The following MRI1 variants were observed in gnomAD, a reference collection of about 807,000 sequenced individuals.
The protein encoded by MRI1 is methylthioribose-1-phosphate isomerase 1, also known as methylthioribose-1-phosphate isomerase.
A neutral mutation model predicts 27.3 loss-of-function variants in MRI1; 32 were observed. The ratio of observed to expected loss-of-function variants is 1.17; its 90% CI spans 0.88 to 1.57. The LOEUF is 1.57. MRI1 is among the 40% of genes most tolerant of loss of function. MRI1 has a pLI of 0.00. For synonymous variants in MRI1, 216 were observed against 227.4 expected (o/e 0.95, Z 0.45); for missense variants, 508 against 516.1 (o/e 0.98, Z 0.15).
At chr19:13,769,846 AGAGGCG>A (rs976554762) in intron 5 of MRI1, among the ~76,000 whole-genome samples, 1 of 151,816 alleles carries the variant, frequency 6.6e-6, no homozygotes, top group Non-Finnish European at 1.5e-5. Flanking sequence ...CTTGAACCTG[AGAGGCG>A]GAGGTTGTGG....
intron 3 of MRI1, among the ~76,000 whole-genome samples, chr19:13,767,843 A>C: frequency 8.2e-6 from 1 of 121,390 alleles, no homozygotes; most frequent in Non-Finnish European, 1.7e-5. Flanking sequence ...GATTCTTTTC[A>C]AGTATTTTCT....
intron 2 of MRI1, 130 bp from the exon 3 acceptor site, chr19:13,765,824 G>C: frequency 9.9e-7 from 1 of 1,012,360 alleles, no homozygotes; most frequent in South Asian, 1.8e-5. Flanking sequence ...CTGGCCGAAG[G>C]GTCCAGGCCC....
chr19:13,773,473 T>C lies in MRI1; in HGVS notation c.*1192T>C, dbSNP rs1427639938. 3 of 152,052 alleles carry C rather than the reference T, an allele frequency of 2.0e-5. No homozygotes were observed. The highest frequency in any genetic ancestry group is 7.2e-5 in the African/African-American group (3 of 41,386). 9.4% of individuals were successfully genotyped at this position (152,052 alleles called of 1,614,324 possible). On this transcript the variant is annotated 3_prime_UTR_variant, in exon 6 of 6. Transcript: ENST00000040663. ...AAGAGCTTGTCTCTACAAACAAAAATTTAAAAACAATGAGCTGGGCATGGA... is the reference window on the plus strand; with the variant it reads ...AAGAGCTTGTCTCTACAAACAAAAACTTAAAAACAATGAGCTGGGCATGGA...
chr19:13,769,346 T>C (rs1048203516), intron 5 of MRI1, among the ~76,000 whole-genome samples: 2 of 151,938 alleles, frequency 1.3e-5, no homozygotes, highest in Non-Finnish European at 2.9e-5. Context: ...GTATTTTTAG[T>C]AGAGATGAGG....
At chr19:13,767,507 C>A (rs1433341834) in intron 3 of MRI1, among the ~76,000 whole-genome samples, 1 of 152,010 alleles carries the variant, frequency 6.6e-6, no homozygotes, top group Non-Finnish European at 1.5e-5. Flanking sequence ...CTAGACCAGC[C>A]TTTGCAACAC....
chr19:13,768,884 C>T lies in MRI1; in HGVS notation c.785C>T (p.Thr262Ile), dbSNP rs754785191. The stretch of plus-strand genomic sequence containing the variant: ...GGCGACACAGCCAACAAGGTGGGCA[C>T]CTACCAGCTGGCCATTGTCGCCAAG... ...ANGDTANKVGTYQLAIVAKHH... is the reference protein window; with the variant it reads ...ANGDTANKVGIYQLAIVAKHH... Residue 262 changes from threonine (T) to isoleucine (I), a missense_variant, in exon 5 of 6, where the codon ACC becomes ATC. Coordinates refer to ENST00000040663, the MANE Select transcript of MRI1 (RefSeq NM_001031727.4). 6.2e-7 allele frequency: 1 copy of T among 1,613,918 alleles called. No individual in the cohort carries two copies. The highest frequency in any genetic ancestry group is 8.5e-7 in the Non-Finnish European group (1 of 1,179,894).
rs1170108927 is a variant in MRI1, at chr19:13,767,861, C to CTTTTTTTTTTTTTTTTTTTTTTT, written c.548-697_548-675dup. On this transcript the variant is annotated intron_variant, in intron 3 of 5. Transcript: ENST00000040663. ...TCTTTTCAAGTATTTTCTTTCTTTC[C>CTTTTTTTTTTTTTTTTTTTTTTT]TTTTTTTTTTTTTTTTTTTTTTTTT... Among the ~76,000 whole-genome samples, 8 of 61,084 alleles carry CTTTTTTTTTTTTTTTTTTTTTTT rather than the reference C, an allele frequency of 1.3e-4. 1 individual carries two copies. The highest frequency in any genetic ancestry group is 2.3e-4 in the Admixed American group (1 of 4,320). The allele number at this position is 61,084 out of a possible 152,430, so 40.1% of individuals were successfully genotyped here. A position where few individuals can be genotyped will look rare whatever the true frequency, so the allele number is the denominator to read the frequency against.
Position 13,764,974 on chromosome 19 carries a change from T to TGCGCGC in MRI1, c.241_242insCGCGCG (p.Arg80_Asp81insAlaArg). The TGCGCGC allele has an allele frequency of 1.3e-6, 2 of 1,517,948 alleles. No homozygotes were observed. Among genetic ancestry groups the TGCGCGC allele is most frequent in the Non-Finnish European group, 1.8e-6 (2 of 1,139,182 alleles). The allele number at this position is 1,517,948 out of a possible 1,614,324, so 94.0% of individuals were successfully genotyped here. ...GGACTCGCCGCGCTCGTGGCCTTCG[T>TGCGCGC]GCGCGACAAGCTGAGCTTCCTCGTC... On this transcript the variant is annotated inframe_insertion, in exon 2 of 6. Coordinates refer to ENST00000040663, the MANE Select transcript of MRI1 (RefSeq NM_001031727.4).
intron 5 of MRI1, among the ~76,000 whole-genome samples, chr19:13,771,513 A>G (rs1288506386): frequency 6.6e-6 from 1 of 152,138 alleles, no homozygotes; most frequent in Non-Finnish European, 1.5e-5. Context: ...CCTGGGTGAC[A>G]CAACGAGACT....
chr19:13,768,900 T>C lies in MRI1; in HGVS notation c.801T>C (p.Ile267=), dbSNP rs1392635716. 4 of 1,614,014 alleles carry C rather than the reference T, an allele frequency of 2.5e-6. No individual in the cohort carries two copies. The highest frequency in any genetic ancestry group is 2.5e-6 in the Non-Finnish European group (3 of 1,179,952). ...AGGTGGGCACCTACCAGCTGGCCATTGTCGCCAAGCACCATGGCATTCCCT... is the reference window on the plus strand; with the variant it reads ...AGGTGGGCACCTACCAGCTGGCCATCGTCGCCAAGCACCATGGCATTCCCT... The part of the protein sequence containing the change: ...ANKVGTYQLA[I]VAKHHGIPFY... The change falls in exon 5 of 6, where the codon ATT becomes ATC. Residue 267 remains isoleucine (I), a synonymous_variant. Coordinates refer to ENST00000040663, the MANE Select transcript of MRI1 (RefSeq NM_001031727.4).
Position 13,772,274 on chromosome 19 carries a change from A to G in MRI1, c.1103A>G (p.Gln368Arg). ...SSRDGTLDGP[Q>R]M ...AGGGATGGAACCCTAGATGGACCCC[A>G]GATGTAACCAACTCAGCTCTCCCTA... The change falls in exon 6 of 6, where the codon CAG becomes CGG. Residue 368 changes from glutamine to arginine, a missense_variant. This residue lies in a region of MRI1 where 457 missense variants were observed against 452.8 expected (regional missense o/e 1.01). Coordinates refer to ENST00000040663, the MANE Select transcript of MRI1 (RefSeq NM_001031727.4). 1 of 1,612,254 alleles carries G rather than the reference A, an allele frequency of 6.2e-7. No homozygotes were observed. Among genetic ancestry groups the G allele is most frequent in the Non-Finnish European group, 8.5e-7 (1 of 1,179,244 alleles).
At chr19:13,769,298 G>A (rs1974220515) in intron 5 of MRI1, among the ~76,000 whole-genome samples, 1 of 152,130 alleles carries the variant, frequency 6.6e-6, no homozygotes, top group Admixed American at 6.5e-5. Context: ...CAAGTAGCTG[G>A]GACTATAGGT....
rs1170108927 is a variant in MRI1 at position 13,767,861 on chromosome 19, CTTTTTTTTTTT to C, written c.548-685_548-675del. Among the ~76,000 whole-genome samples, 116 of 61,090 alleles carry C rather than the reference CTTTTTTTTTTT, an allele frequency of 1.9e-3. 2 individuals are homozygous for C. The highest frequency in any genetic ancestry group is 8.2e-3 in the African/African-American group (105 of 12,818). 40.1% of individuals were successfully genotyped at this position (61,090 alleles called of 152,430 possible). On this transcript the variant is annotated intron_variant, in intron 3 of 5. Coordinates refer to ENST00000040663, the MANE Select transcript of MRI1 (RefSeq NM_001031727.4). The stretch of plus-strand genomic sequence containing the variant: ...TCTTTTCAAGTATTTTCTTTCTTTC[CTTTTTTTTTTT>C]TTTTTTTTTTTTTTGAGACAGAGTC...
At chr19:13,771,205 A>C (rs1339873309) in intron 5 of MRI1, among the ~76,000 whole-genome samples, 1 of 143,368 alleles carries the variant, frequency 7.0e-6, no homozygotes, top group African/African-American at 2.9e-5. Flanking sequence ...TAAAAATACA[A>C]AAAAAAAAAA....
At chr19:13,767,231 G>C (rs1180384810) in intron 3 of MRI1, among the ~76,000 whole-genome samples, 1 of 151,134 alleles carries the variant, frequency 6.6e-6, no homozygotes, top group African/African-American at 2.4e-5. Context: ...ATTTTTAGTA[G>C]GGACGGGGTT....
chr19:13,766,345 GC>G (rs2145192426), intron 3 of MRI1, among the ~76,000 whole-genome samples: 1 of 152,288 alleles, frequency 6.6e-6, no homozygotes, highest in East Asian at 1.9e-4. Flanking sequence ...CTTCAGCTCT[GC>G]CCTCCTTCAT....
intron 2 of MRI1, among the ~76,000 whole-genome samples, chr19:13,765,611 A>G (rs1974105213): frequency 6.6e-6 from 1 of 152,024 alleles, no homozygotes; most frequent in South Asian, 2.1e-4. Flanking sequence ...ACCATTCTAT[A>G]TGATCCAGCT....
rs1974081104 is a variant in MRI1 at position 13,764,882 on chromosome 19, C to T, written c.144C>T (p.Ala48=). Residue 48 remains alanine, a synonymous_variant, in exon 2 of 6, where the codon GCC becomes GCT. Coordinates refer to ENST00000040663, the MANE Select transcript of MRI1 (RefSeq NM_001031727.4). ...EAIRAMKVRG[A]PAIALVGCLS... ...TCCCTGCCCCGCAGGTGCGGGGCGC[C>T]CCGGCCATAGCCCTGGTGGGCTGTC... 7.4e-7 allele frequency: 1 copy of T among 1,360,100 alleles called. No homozygotes were observed. 84.3% of individuals were successfully genotyped at this position (1,360,100 alleles called of 1,614,324 possible).
intron 3 of MRI1, among the ~76,000 whole-genome samples, chr19:13,767,800 G>A (rs2145196762): frequency 6.6e-6 from 1 of 150,612 alleles, no homozygotes; most frequent in Admixed American, 6.7e-5. Context: ...CACGACCTTG[G>A]CTCCTTGCAA....
Sources: allele counts gnomAD v4.1 joint callset (sites outside exome capture counted in the v4.1 genomes callset), GRCh38; gene constraint gnomAD v4.1.1; regional missense constraint gnomAD v4.1.1; transcripts MANE v1.5; gene names NCBI Gene and HGNC (gene_info 2026-07-23, HGNC 2026-07-21).